The following ZNF208 variants were observed in gnomAD, a reference collection of about 807,000 sequenced individuals.
ZNF208 encodes the protein zinc finger protein 208, also known as zinc finger protein 95.
A neutral mutation model predicts 12.1 loss-of-function variants in ZNF208; 10 were observed. The ratio of observed to expected loss-of-function variants is 0.83; its 90% CI spans 0.51 to 1.40. The LOEUF (loss-of-function observed/expected upper bound fraction) is 1.40, where lower values mean the gene tolerates loss of function less well. ZNF208 is among the 40% of genes most tolerant of loss of function. The pLI, the probability that ZNF208 is intolerant of heterozygous loss-of-function variation, is 0.00. For missense variants in ZNF208, 1,652 were observed against 1,485.0 expected, an observed-to-expected ratio of 1.11 and a Z score of -1.85; for synonymous variants, 497 against 488.4, an observed-to-expected ratio of 1.02 and a Z score of -0.23.
At chr19:21,952,580 G>C (rs1457108103) in intron 4 of ZNF208, among the ~76,000 whole-genome samples, 3 of 152,194 alleles carry the variant, frequency 2.0e-5, no homozygotes, top group Non-Finnish European at 4.4e-5. Context: ...GAAGCTGAGA[G>C]ACCTGTTAGA....
At chr19:21,995,738 G>A (rs1272858310) in intron 1 of ZNF208, among the ~76,000 whole-genome samples, 1 of 152,186 alleles carries the variant, frequency 6.6e-6, no homozygotes, top group Non-Finnish European at 1.5e-5. Context: ...TTGTGGTCAT[G>A]GCTCTGGATA....
intron 4 of ZNF208, among the ~76,000 whole-genome samples, chr19:21,943,621 G>T (rs1257666013): frequency 6.6e-6 from 1 of 152,116 alleles, no homozygotes; most frequent in East Asian, 1.9e-4. Context: ...CCAAACTGAA[G>T]CCTGACTAAG....
intron 1 of ZNF208, among the ~76,000 whole-genome samples, chr19:21,995,602 T>A (rs1970820503): frequency 6.6e-6 from 1 of 152,084 alleles, no homozygotes; most frequent in Admixed American, 6.6e-5. Flanking sequence ...TGATTCTAAA[T>A]AAAAAAATGG....
chr19:21,957,062 G>A (rs1310790015), intron 4 of ZNF208, among the ~76,000 whole-genome samples: 1 of 148,354 alleles, frequency 6.7e-6, no homozygotes, highest in Non-Finnish European at 1.5e-5. Context: ...TTTCTTTTGA[G>A]ACATAGTCTC....
chr19:21,975,771 G>A (rs1970418661), intron 3 of ZNF208, among the ~76,000 whole-genome samples: 2 of 111,410 alleles, frequency 1.8e-5, no homozygotes, highest in African/African-American at 6.7e-5. Context: ...CCAGTGAAAT[G>A]TCAACAAAAG....
At chr19:21,955,396 T>C (rs1034369084) in intron 4 of ZNF208, among the ~76,000 whole-genome samples, 7 of 152,200 alleles carry the variant, frequency 4.6e-5, no homozygotes, top group Admixed American at 1.3e-4. Flanking sequence ...TTGGGATAGT[T>C]CTCCTGGATA....
rs983376990 is a variant in ZNF208 at position 21,970,588 on chromosome 19, T to A, written c.*603A>T. 88 of 826,834 alleles carry A rather than the reference T, an allele frequency of 1.1e-4. No individual in the cohort carries two copies. In the Middle Eastern group the frequency reaches 1.2e-3, roughly 12 times the overall value. 51.2% of individuals were successfully genotyped at this position (826,834 alleles called of 1,614,324 possible). A position where few individuals can be genotyped will look rare whatever the true frequency, so the allele number is the denominator to read the frequency against. On this transcript the variant is annotated 3_prime_UTR_variant, in exon 4 of 4. Transcript: ENST00000397126. ...GTGTGAGGACCAGTTGAAGTCTTTA[T>A]CACATTCTTCACATTTGTAGGGCTT...
intron 3 of ZNF208, among the ~76,000 whole-genome samples, chr19:21,984,870 A>C (rs186429833): frequency 6.6e-6 from 1 of 152,310 alleles, no homozygotes; most frequent in East Asian, 1.9e-4. Context: ...GAATTAAAAC[A>C]ATCTGGTATA....
chr19:21,941,016 G>C (rs1568431215), intron 4 of ZNF208: 1 of 220,308 alleles, frequency 4.5e-6, no homozygotes, highest in Non-Finnish European at 8.8e-6. Flanking sequence ...GCTGTGCTCA[G>C]CTGGGTCACG....
Position 21,970,566 on chromosome 19 carries a change from TG to T in ZNF208, c.*624del. On this transcript the variant is annotated 3_prime_UTR_variant, in exon 4 of 4. Transcript: ENST00000397126. ...GAATTCTTTTATGAGTAGTAAGGTG[TG>T]AGGACCAGTTGAAGTCTTTATCACA... 1 of 721,154 alleles carries T rather than the reference TG, an allele frequency of 1.4e-6. No individual in the cohort carries two copies. Among genetic ancestry groups the T allele is most frequent in the East Asian group, 3.7e-5 (1 of 26,914 alleles). The allele number at this position is 721,154 out of a possible 1,614,324, so 44.7% of individuals were successfully genotyped here.
At chr19:22,000,058 T>A (rs545267527) in intron 1 of ZNF208, among the ~76,000 whole-genome samples, 1 of 152,258 alleles carries the variant, frequency 6.6e-6, no homozygotes, top group African/African-American at 2.4e-5. Flanking sequence ...TTCACATGAA[T>A]AAAGCAAGTT....
intron 3 of ZNF208, among the ~76,000 whole-genome samples, chr19:21,985,564 T>A (rs905345175): frequency 6.6e-6 from 1 of 152,166 alleles, no homozygotes; most frequent in African/African-American, 2.4e-5. Context: ...GACCAGAAAA[T>A]GTCCCACCCA....
chr19:21,946,465 C>T (rs1411181187), intron 4 of ZNF208, among the ~76,000 whole-genome samples: 1 of 152,214 alleles, frequency 6.6e-6, no homozygotes, highest in Non-Finnish European at 1.5e-5. Flanking sequence ...AGGCCTCCCT[C>T]TCTGCTGGAG....
At chr19:22,005,884 C>A (rs541224887) in intron 1 of ZNF208, among the ~76,000 whole-genome samples, 1 of 152,210 alleles carries the variant, frequency 6.6e-6, no homozygotes, top group East Asian at 1.9e-4. Context: ...TCTGTGTTCT[C>A]CAGGAACACT....
chr19:21,969,192 C>G lies in ZNF208; in HGVS notation c.*1999G>C, dbSNP rs1206818296. On this transcript the variant is annotated 3_prime_UTR_variant, in exon 4 of 4. Coordinates refer to ENST00000397126, the MANE Select transcript of ZNF208 (RefSeq NM_007153.3). ...TTTCTTTTTAGTTCCACTATGTTGG[C>G]AAGGCTGGTCTTGAACTCCTGACCT... Among the ~76,000 whole-genome samples, 5 of 151,938 alleles carry G rather than the reference C, an allele frequency of 3.3e-5. No individual in the cohort carries two copies. Among genetic ancestry groups the G allele is most frequent in the African/African-American group, 4.8e-5 (2 of 41,356 alleles).
chr19:21,957,811 C>CT (rs1004414431), intron 4 of ZNF208, among the ~76,000 whole-genome samples: 4 of 151,688 alleles, frequency 2.6e-5, no homozygotes, highest in South Asian at 4.2e-4. Flanking sequence ...TTGTGAGTAG[C>CT]TTTTTTTTAA....
intron 3 of ZNF208, among the ~76,000 whole-genome samples, chr19:21,975,810 T>A (rs931642042): frequency 1.6e-5 from 1 of 63,628 alleles, no homozygotes; most frequent in Non-Finnish European, 2.9e-5. Context: ...AACTGTGTGA[T>A]ATAGTCAAAG....
At chr19:21,989,044 T>G (rs916055394) in intron 1 of ZNF208, 135 bp from the exon 2 acceptor site, 1 of 1,215,952 alleles carries the variant, frequency 8.2e-7, no homozygotes, top group Admixed American at 2.6e-5. Context: ...ATAAAATAAT[T>G]TTTAACACAA....
intron 1 of ZNF208, chr19:22,009,475 C>T (rs1971103452): frequency 6.6e-6 from 1 of 152,138 alleles, no homozygotes; most frequent in South Asian, 2.1e-4. Context: ...TTCGGCCAGG[C>T]ACGGTGGCTT....
Sources: allele counts gnomAD v4.1 joint callset (sites outside exome capture counted in the v4.1 genomes callset), GRCh38; gene constraint gnomAD v4.1.1; transcripts MANE v1.5; gene names NCBI Gene and HGNC (gene_info 2026-07-23, HGNC 2026-07-21).